PTPRT: variants seen among roughly 807,000 people sequenced by gnomAD.
PTPRT encodes the protein protein tyrosine phosphatase receptor type T.
A neutral mutation model predicts 176.8 loss-of-function variants in PTPRT; 56 were observed. The ratio of observed to expected loss-of-function variants is 0.32; its 90% confidence interval spans 0.26 to 0.40. The LOEUF (loss-of-function observed/expected upper bound fraction) is 0.40, where lower values mean the gene tolerates loss of function less well. Ranked by LOEUF, PTPRT falls within the 10% of genes least tolerant of loss-of-function variation. The pLI is 1.00. For missense variants in PTPRT, 1,540 were observed against 1,908.2 expected (o/e 0.81, Z 3.60); for synonymous variants, 783 against 739.0 (o/e 1.06, Z -0.96).
intron 9 of PTPRT, among the ~76,000 whole-genome samples, chr20:42,379,912 T>G (rs115916053): frequency 0.021 from 3,159 of 152,298 alleles, 122 homozygotes; most frequent in African/African-American, 0.072. Flanking sequence ...CATTTTCTCA[T>G]GGGCTTTCAA....
chr20:42,143,884 G>A (rs1394719549), intron 17 of PTPRT, among the ~76,000 whole-genome samples: 1 of 152,222 alleles, frequency 6.6e-6, no homozygotes, highest in Non-Finnish European at 1.5e-5. Context: ...TCATGCCTTA[G>A]AGTTATCCCA....
At chr20:42,091,068 G>C (rs916110009) in intron 27 of PTPRT, among the ~76,000 whole-genome samples, 2 of 149,232 alleles carry the variant, frequency 1.3e-5, no homozygotes, top group African/African-American at 5.2e-5. Flanking sequence ...GAGGAAGTCA[G>C]TCCAGTTGTT....
At chr20:42,817,899 G>A (rs1600784110) in intron 2 of PTPRT, among the ~76,000 whole-genome samples, 1 of 152,190 alleles carries the variant, frequency 6.6e-6, no homozygotes, top group African/African-American at 2.4e-5. Context: ...GGCGGGAGGG[G>A]CAGCCACAGT....
At chr20:42,719,318 C>G (rs1397013155) in intron 6 of PTPRT, among the ~76,000 whole-genome samples, 12 of 152,170 alleles carry the variant, frequency 7.9e-5, no homozygotes, top group Admixed American at 7.9e-4. Flanking sequence ...TGGTAGCCAG[C>G]ACTCTGGGGA....
At chr20:42,969,485 G>C (rs566832754) in intron 1 of PTPRT, 12 of 152,270 alleles carry the variant, frequency 7.9e-5, no homozygotes, top group African/African-American at 2.6e-4. Flanking sequence ...GAACGTACAT[G>C]TACAAATAAT....
chr20:42,471,157 C>G (rs897871193), intron 8 of PTPRT, among the ~76,000 whole-genome samples: 4 of 152,176 alleles, frequency 2.6e-5, no homozygotes, highest in Non-Finnish European at 4.4e-5. Flanking sequence ...TATCTATTTT[C>G]TGTTTTTAAT....
chr20:42,238,616 T>C (rs1221409997), intron 14 of PTPRT, among the ~76,000 whole-genome samples: 1 of 152,212 alleles, frequency 6.6e-6, no homozygotes, highest in African/African-American at 2.4e-5. Context: ...ACCTGTGTTC[T>C]CTGTATTGTC....
the PTPRT span, among the ~76,000 whole-genome samples, chr20:42,066,003 CTT>C: frequency 6.9e-6 from 1 of 145,920 alleles, no homozygotes; most frequent in Non-Finnish European, 1.5e-5. Flanking sequence ...TTTTTGAATT[CTT>C]GGCATATAGG....
chr20:42,220,159 A>T (rs1397168411), intron 15 of PTPRT, among the ~76,000 whole-genome samples: 1 of 152,208 alleles, frequency 6.6e-6, no homozygotes, highest in Non-Finnish European at 1.5e-5. Flanking sequence ...AAAAAGAAAC[A>T]TTCAGATATA....
chr20:42,860,852 G>A (rs1483052881), intron 2 of PTPRT, among the ~76,000 whole-genome samples: 4 of 152,080 alleles, frequency 2.6e-5, no homozygotes, highest in African/African-American at 9.7e-5. Flanking sequence ...TCTGTTACTA[G>A]AAATCCCTGA....
chr20:43,126,682 G>A (rs1024979514), intron 1 of PTPRT, among the ~76,000 whole-genome samples: 1 of 152,148 alleles, frequency 6.6e-6, no homozygotes, highest in African/African-American at 2.4e-5. Flanking sequence ...ATTATTTAAA[G>A]ATTGAAAAAT....
rs11468460 is a variant in PTPRT, at chr20:42,879,733, A to ATGTG, written c.214+6070_214+6073dup. Among the ~76,000 whole-genome samples, 671 of 149,070 alleles carry ATGTG rather than the reference A, an allele frequency of 4.5e-3. 4 individuals carry two copies. Among genetic ancestry groups the ATGTG allele is most frequent in the African/African-American group, 0.015 (601 of 40,656 alleles). On this transcript the variant is annotated intron_variant, in intron 2 of 30. Transcript: ENST00000373187. Reference sequence around the variant, plus strand: ...TTCCATGACATGCTAGTTGGGTGAAATGTGTGTGTGTGTGTGTGTGTGTGC... The same window carrying ATGTG: ...TTCCATGACATGCTAGTTGGGTGAAATGTGTGTGTGTGTGTGTGTGTGTGTGTGC...
At chr20:42,734,904 C>T (rs1037347009) in intron 6 of PTPRT, among the ~76,000 whole-genome samples, 1 of 152,170 alleles carries the variant, frequency 6.6e-6, no homozygotes, top group Non-Finnish European at 1.5e-5. Flanking sequence ...CCACATTCTA[C>T]GGTTCAAACC....
At chr20:42,039,977 G>A in the PTPRT span, among the ~76,000 whole-genome samples, 278 of 151,972 alleles carry the variant, frequency 1.8e-3, 4 homozygotes, top group African/African-American at 6.4e-3. Flanking sequence ...TGGATCATAC[G>A]GTAGTTCTAC....
Position 42,507,451 on chromosome 20 carries a change from C to T in PTPRT, c.1154-34889G>A, listed in dbSNP as rs1049701335. On this transcript the variant is annotated intron_variant, in intron 7 of 30. Coordinates refer to ENST00000373187, the MANE Select transcript of PTPRT (RefSeq NM_007050.6). ...TCTTGGCCGAGAAGGGAAAGCCCAT[C>T]GTGTGCTCAGGAGGAGAACCAAAAA... Among the ~76,000 whole-genome samples, 5 of 152,124 alleles carry T rather than the reference C, an allele frequency of 3.3e-5. No homozygotes were observed. The East Asian group carries it at 7.8e-4, about 24-fold the overall frequency.
intron 13 of PTPRT, among the ~76,000 whole-genome samples, chr20:42,280,897 G>A (rs977742053): frequency 3.9e-5 from 6 of 152,062 alleles, no homozygotes; most frequent in Non-Finnish European, 8.8e-5. Context: ...GACCCAGCCA[G>A]CTACCCTCTA....
intron 16 of PTPRT, among the ~76,000 whole-genome samples, chr20:42,174,323 AGAG>A (rs1250056661): frequency 6.6e-6 from 1 of 152,072 alleles, no homozygotes; most frequent in Non-Finnish European, 1.5e-5. Flanking sequence ...GTGGCATTTG[AGAG>A]GAGTTTATAT....
intron 11 of PTPRT, among the ~76,000 whole-genome samples, chr20:42,326,164 C>T (rs533907087): frequency 4.6e-5 from 7 of 152,118 alleles, no homozygotes; most frequent in Admixed American, 2.0e-4. Context: ...TGGGAAAAAG[C>T]GGCTGGATCA....
At chr20:42,583,182 C>T (rs549302500) in intron 7 of PTPRT, among the ~76,000 whole-genome samples, 1 of 152,272 alleles carries the variant, frequency 6.6e-6, no homozygotes, top group South Asian at 2.1e-4. Context: ...TTGCTCCTGA[C>T]CTTGACAACA....
Sources: gnomAD v4.1 joint callset for allele counts (sites outside exome capture counted in the v4.1 genomes callset) on GRCh38, gnomAD v4.1.1 for gene constraint, MANE v1.5 for transcripts, NCBI Gene and HGNC (gene_info 2026-07-23, HGNC 2026-07-21) for gene names.